Variants in NRAP observed in about 807,000 individuals in gnomAD.
NRAP encodes nebulin related anchoring protein.
In NRAP, 189 loss-of-function variants were observed where a neutral mutation model predicts 225.9. The ratio of observed to expected loss-of-function variants is 0.84; its 90% confidence interval spans 0.74 to 0.94. NRAP has a LOEUF of 0.94. Ranked by LOEUF, NRAP falls within the 40% of genes least tolerant of loss-of-function variation. The probability of loss-of-function intolerance (pLI) is 0.00; values close to 1 mark genes in which losing one functional copy is unlikely to be tolerated. For synonymous variants in NRAP, 769 were observed against 790.7 expected (o/e 0.97, Z 0.46); for missense variants, 2,176 against 2,168.7 (o/e 1.00, Z -0.07).
At chr10:113,607,222 A>C (rs1286877741) in intron 32 of NRAP, among the ~76,000 whole-genome samples, 1 of 147,536 alleles carries the variant, frequency 6.8e-6, no homozygotes, top group Admixed American at 6.9e-5. Context: ...CAAACAAACA[A>C]AAACAAAACA....
intron 11 of NRAP, among the ~76,000 whole-genome samples, chr10:113,645,147 G>A (rs1373803998): frequency 1.3e-5 from 2 of 152,168 alleles, no homozygotes; most frequent in Non-Finnish European, 2.9e-5. Context: ...ATAAGAGAAC[G>A]AGAGGGGTTT....
chr10:113,647,669 G>A (rs946252025), intron 9 of NRAP, among the ~76,000 whole-genome samples: 1,272 of 133,994 alleles, frequency 9.5e-3, no homozygotes, highest in African/African-American at 0.016. Context: ...TGCCTCCCCC[G>A]GTGGTGCTGT....
At chr10:113,631,665 G>A (rs1329744891) in intron 17 of NRAP, 55 bp from the exon 18 acceptor site, 1 of 1,219,232 alleles carries the variant, frequency 8.2e-7, no homozygotes, top group Admixed American at 1.9e-5. Context: ...TGCCGTCTAA[G>A]GGGCTCTGGT....
intron 10 of NRAP, 23 bp downstream of exon 10, chr10:113,646,900 G>A (rs1352786260): frequency 6.6e-7 from 1 of 1,508,262 alleles, no homozygotes; most frequent in African/African-American, 1.4e-5. Context: ...CTGGCTCTGT[G>A]GTCACACCTA....
chr10:113,612,540 G>C, intron 29 of NRAP, 109 bp from the exon 30 acceptor site: 1 of 852,480 alleles, frequency 1.2e-6, no homozygotes, highest in Non-Finnish European at 1.9e-6. Flanking sequence ...CCCAGGGGAA[G>C]TTCTTGGCAG....
chr10:113,589,195 C>G, intron 41 of NRAP, 116 bp from the exon 42 acceptor site: 1 of 779,452 alleles, frequency 1.3e-6, no homozygotes, highest in Non-Finnish European at 2.0e-6. Flanking sequence ...GCTCACCCTC[C>G]CTTTCCTTTT....
intron 9 of NRAP, among the ~76,000 whole-genome samples, chr10:113,648,463 C>CTA (rs1224072216): frequency 8.2e-4 from 98 of 119,832 alleles, no homozygotes; most frequent in African/African-American, 2.4e-3. Flanking sequence ...CTCTCTCTCT[C>CTA]TCTCTATATA....
chr10:113,648,043 C>T, intron 9 of NRAP, among the ~76,000 whole-genome samples: 1 of 152,166 alleles, frequency 6.6e-6, no homozygotes, highest in African/African-American at 2.4e-5. Context: ...TGGACCTGCC[C>T]CAGGCAGAGT....
At chr10:113,629,855 G>C in intron 18 of NRAP, 70 bp from the exon 19 acceptor site, 1 of 1,103,828 alleles carries the variant, frequency 9.1e-7, no homozygotes, top group Non-Finnish European at 1.4e-6. Flanking sequence ...ATGTGAAAAT[G>C]CAGGAAAGAT....
At chr10:113,621,178 G>C (rs1202349001) in intron 24 of NRAP, among the ~76,000 whole-genome samples, 1 of 152,198 alleles carries the variant, frequency 6.6e-6, no homozygotes, top group Non-Finnish European at 1.5e-5. Context: ...CAGTGGGGGG[G>C]CAGGGTGTAT....
intron 31 of NRAP, among the ~76,000 whole-genome samples, chr10:113,609,899 G>T (rs764330310): frequency 3.3e-5 from 5 of 151,576 alleles, no homozygotes; most frequent in Non-Finnish European, 5.9e-5. Context: ...TATGTTAATA[G>T]AGGAACTGAC....
chr10:113,604,966 T>C (rs999143913), intron 34 of NRAP, 46 bp from the exon 35 acceptor site: 14 of 1,566,800 alleles, frequency 8.9e-6, no homozygotes, highest in Non-Finnish European at 1.2e-5. Flanking sequence ...TGCGTTTTCA[T>C]TGCAGACTCT....
At chr10:113,660,906 G>T (rs2134219521) in intron 3 of NRAP, among the ~76,000 whole-genome samples, 1 of 152,200 alleles carries the variant, frequency 6.6e-6, no homozygotes, top group East Asian at 1.9e-4. Flanking sequence ...AACTAGGCAG[G>T]TTACTTAACC....
chr10:113,602,016 G>T (rs1186867642), intron 35 of NRAP, among the ~76,000 whole-genome samples: 2 of 152,156 alleles, frequency 1.3e-5, no homozygotes, highest in African/African-American at 4.8e-5. Context: ...CTCCCAAGTA[G>T]CTGGGACTAC....
At chr10:113,648,671 G>A (rs1849749506) in intron 9 of NRAP, among the ~76,000 whole-genome samples, 1 of 151,964 alleles carries the variant, frequency 6.6e-6, no homozygotes, top group South Asian at 2.1e-4. Flanking sequence ...TCATGCCCTG[G>A]CGAGTCATGC....
chr10:113,616,584 A>G (rs1030447514), intron 26 of NRAP, among the ~76,000 whole-genome samples: 2 of 152,244 alleles, frequency 1.3e-5, no homozygotes, highest in Non-Finnish European at 2.9e-5. Flanking sequence ...TCCTAAATCC[A>G]TAAGCTTGTA....
At chr10:113,634,424 G>A (rs928782691) in intron 14 of NRAP, among the ~76,000 whole-genome samples, 1 of 152,138 alleles carries the variant, frequency 6.6e-6, no homozygotes, top group African/African-American at 2.4e-5. Flanking sequence ...TCATAAAAGA[G>A]GTGAATTAAC....
intron 7 of NRAP, among the ~76,000 whole-genome samples, 158 bp from the exon 8 acceptor site, chr10:113,650,703 C>T (rs912162398): frequency 2.0e-5 from 3 of 152,184 alleles, no homozygotes; most frequent in African/African-American, 7.2e-5. Flanking sequence ...GCATCTTATT[C>T]ATCTTCTTAT....
intron 29 of NRAP, among the ~76,000 whole-genome samples, chr10:113,613,888 C>T (rs374704002): frequency 1.6e-4 from 25 of 152,170 alleles, no homozygotes; most frequent in Admixed American, 1.3e-4. Context: ...ATGAAAGACC[C>T]CTGGAGGCCA....
Sources: allele counts gnomAD v4.1 joint callset (sites outside exome capture counted in the v4.1 genomes callset), GRCh38; gene constraint gnomAD v4.1.1; transcripts MANE v1.5; gene names NCBI Gene and HGNC (gene_info 2026-07-23, HGNC 2026-07-21).